Variants in SCCPDH observed in about 807,000 individuals in gnomAD.
SCCPDH encodes the protein saccharopine dehydrogenase (putative).
SCCPDH carries 34 observed loss-of-function variants against 51.5 expected under a neutral mutation model. The observed-to-expected ratio is 0.66, with a 90% CI of 0.50 to 0.88. The LOEUF is 0.88. Among genes scored for constraint, SCCPDH ranks in the 40% least tolerant of loss-of-function variants. The pLI is 0.00. For missense variants in SCCPDH, 464 were observed against 527.1 expected (o/e 0.88, Z 1.17); for synonymous variants, 187 against 191.3 (o/e 0.98, Z 0.19).
intron 1 of SCCPDH, among the ~76,000 whole-genome samples, chr1:246,725,277 A>T (rs7518230): frequency 8.9e-6 from 1 of 111,768 alleles, no homozygotes; most frequent in Admixed American, 9.6e-5. Context: ...ATTTATTGAT[A>T]ATCTAAGCAT....
chr1:246,764,616 AG>A (rs1360559475), intron 10 of SCCPDH, among the ~76,000 whole-genome samples: 1 of 152,248 alleles, frequency 6.6e-6, no homozygotes, highest in Admixed American at 6.5e-5. Flanking sequence ...TAGTATTAAT[AG>A]GAAAAGGGAT....
At chr1:246,725,246 C>G (rs7513909) in intron 1 of SCCPDH, among the ~76,000 whole-genome samples, 1,664 of 114,754 alleles carry the variant, frequency 0.015, 27 homozygotes, top group African/African-American at 0.069. Context: ...TATTGATAAT[C>G]TAAGCATTCA....
At chr1:246,741,930 G>C (rs1411020676) in intron 4 of SCCPDH, among the ~76,000 whole-genome samples, 1 of 152,086 alleles carries the variant, frequency 6.6e-6, no homozygotes, top group Non-Finnish European at 1.5e-5. Context: ...TTAGCTGGTC[G>C]TGGTGATGTG....
intron 5 of SCCPDH, among the ~76,000 whole-genome samples, chr1:246,752,661 C>G (rs1054290801): frequency 6.6e-6 from 1 of 151,804 alleles, no homozygotes; most frequent in African/African-American, 2.4e-5. Flanking sequence ...TAACTTTCCT[C>G]GATTCCTGTC....
intron 4 of SCCPDH, 149 bp from the exon 5 acceptor site, chr1:246,743,927 A>G (rs2102984920): frequency 1.9e-6 from 1 of 538,820 alleles, no homozygotes; most frequent in Non-Finnish European, 3.3e-6. Context: ...CAAAAACATA[A>G]TAAAACTGTT....
At chr1:246,738,730 G>A (rs1276165610) in intron 3 of SCCPDH, among the ~76,000 whole-genome samples, 1 of 152,074 alleles carries the variant, frequency 6.6e-6, no homozygotes, top group African/African-American at 2.4e-5. Context: ...GGCAGGTGCT[G>A]TAAACCCAGC....
chr1:246,727,136 T>G, intron 2 of SCCPDH, 132 bp downstream of exon 2: 1 of 692,874 alleles, frequency 1.4e-6, no homozygotes, highest in Non-Finnish European at 2.4e-6. Context: ...GAGTTTTTTC[T>G]TCTTGCGAGG....
chr1:246,739,781 T>G (rs1668650734), intron 3 of SCCPDH, among the ~76,000 whole-genome samples: 2 of 152,212 alleles, frequency 1.3e-5, no homozygotes, highest in Non-Finnish European at 2.9e-5. Context: ...TGCCACCATC[T>G]ACTTTCCTGC....
Position 246,742,157 on chromosome 1 carries a change from C to T in SCCPDH, c.514+1856C>T, listed in dbSNP as rs532798126. Among the ~76,000 whole-genome samples the T allele has an allele frequency of 3.3e-5, 5 of 152,258 alleles. No homozygotes were observed. In the East Asian group the frequency reaches 7.7e-4, roughly 23 times the overall value. Reference sequence around the variant, plus strand: ...GAATGGTGAAACACTAGAACCATTCCAATTAAAAAGTGAAATGTGAATTGA... The same window carrying T: ...GAATGGTGAAACACTAGAACCATTCTAATTAAAAAGTGAAATGTGAATTGA... On this transcript the variant is annotated intron_variant, in intron 4 of 11. Coordinates refer to ENST00000366510, the MANE Select transcript of SCCPDH (RefSeq NM_016002.3).
intron 5 of SCCPDH, among the ~76,000 whole-genome samples, chr1:246,746,380 G>T (rs1221196773): frequency 6.6e-6 from 1 of 152,158 alleles, no homozygotes; most frequent in Non-Finnish European, 1.5e-5. Context: ...GGAATCTATA[G>T]ATAACACAAC....
At chr1:246,733,981 G>A (rs929596530) in intron 2 of SCCPDH, among the ~76,000 whole-genome samples, 3 of 152,180 alleles carry the variant, frequency 2.0e-5, no homozygotes, top group African/African-American at 7.2e-5. Flanking sequence ...AGTTGGGAGA[G>A]TAGGTGAGAT....
At position 246,767,513 on chromosome 1, in the gene SCCPDH, T is replaced by C; in HGVS notation, c.*213T>C. 3.0e-6 allele frequency: 1 copy of C among 337,092 alleles called. No homozygotes were observed. The highest frequency in any genetic ancestry group is 5.3e-6 in the Non-Finnish European group (1 of 187,158). The allele number at this position is 337,092 out of a possible 1,614,324, so 20.9% of individuals were successfully genotyped here. A position where few individuals can be genotyped will look rare whatever the true frequency, so the allele number is the denominator to read the frequency against. On this transcript the variant is annotated 3_prime_UTR_variant, in exon 12 of 12. Transcript: ENST00000366510. ...GATTTTATTGCTTATAACAGAGAAC[T>C]CATATTTGACATATTTTTTTCATTG... is the stretch of plus-strand genomic sequence containing the variant.
chr1:246,727,512 C>G (rs575368524), intron 2 of SCCPDH, among the ~76,000 whole-genome samples: 13 of 152,222 alleles, frequency 8.5e-5, no homozygotes, highest in South Asian at 6.2e-4. Flanking sequence ...GTGGACATTA[C>G]GTTCTTGGGG....
chr1:246,740,124 T>A, intron 3 of SCCPDH, 48 bp from the exon 4 acceptor site: 1 of 1,447,588 alleles, frequency 6.9e-7, no homozygotes, highest in Middle Eastern at 1.8e-4. Flanking sequence ...AATACTGGTC[T>A]ACATCTTTCT....
intron 11 of SCCPDH, 38 bp downstream of exon 11, chr1:246,766,177 A>G (rs1260767071): frequency 7.2e-7 from 1 of 1,397,834 alleles, no homozygotes; most frequent in Admixed American, 1.8e-5. Context: ...GATCTTTTTT[A>G]TCTATGTTAT....
intron 5 of SCCPDH, among the ~76,000 whole-genome samples, chr1:246,754,523 AAACCC>A: frequency 6.6e-6 from 1 of 152,262 alleles, no homozygotes; most frequent in Non-Finnish European, 1.5e-5. Context: ...GCTGCAGACA[AAACCC>A]CTCAGACACC....
intron 4 of SCCPDH, among the ~76,000 whole-genome samples, chr1:246,740,573 A>C (rs1178605018): frequency 6.6e-6 from 1 of 152,226 alleles, no homozygotes; most frequent in Non-Finnish European, 1.5e-5. Context: ...CAACTTTGGC[A>C]ACGTTATAAA....
At chr1:246,738,170 T>A (rs1309970330) in intron 3 of SCCPDH, among the ~76,000 whole-genome samples, 1 of 151,914 alleles carries the variant, frequency 6.6e-6, no homozygotes, top group Non-Finnish European at 1.5e-5. Context: ...CACTCCAGCC[T>A]GGGCAACAGG....
intron 2 of SCCPDH, among the ~76,000 whole-genome samples, chr1:246,730,267 A>G (rs542270687): frequency 2.6e-5 from 4 of 152,300 alleles, no homozygotes; most frequent in South Asian, 2.1e-4. Context: ...GAAAGCTTGC[A>G]GCATTCGATC....
Sources: gnomAD v4.1 joint callset for allele counts (sites outside exome capture counted in the v4.1 genomes callset) on GRCh38, gnomAD v4.1.1 for gene constraint, MANE v1.5 for transcripts, NCBI Gene and HGNC (gene_info 2026-07-23, HGNC 2026-07-21) for gene names.